The following TENM3 variants were observed in gnomAD, a reference collection of about 807,000 sequenced individuals.
TENM3 encodes the protein teneurin-3.
A neutral mutation model predicts 255.1 loss-of-function variants in TENM3; 63 were observed. The ratio of observed to expected loss-of-function variants is 0.25; its 90% confidence interval spans 0.20 to 0.30. TENM3 has a LOEUF of 0.30. Among genes scored for constraint, TENM3 ranks in the 10% least tolerant of loss-of-function variants. The pLI, the probability that TENM3 is intolerant of heterozygous loss-of-function variation, is 1.00. For missense variants in TENM3, 2,929 were observed against 3,461.1 expected, an observed-to-expected ratio of 0.85 and a Z score of 3.86; for synonymous variants, 1,306 against 1,322.3, an observed-to-expected ratio of 0.99 and a Z score of 0.27.
In TENM3 at chr4:182,359,504, C is replaced by T. The variant is rs550341903; in HGVS notation, c.511+12575C>T. ...TTTTCTAGATTTTCTAGTTTATTTG[C>T]GTAGAGGTGTTTGTAGTATTCTCTG... On this transcript the variant is annotated intron_variant, in intron 3 of 27. Coordinates refer to ENST00000511685, the MANE Select transcript of TENM3 (RefSeq NM_001080477.4). Among the ~76,000 whole-genome samples, 262 of 150,832 alleles carry T rather than the reference C, an allele frequency of 1.7e-3. 1 individual carries two copies. Among genetic ancestry groups the T allele is most frequent in the African/African-American group, 5.7e-3 (236 of 41,200 alleles).
intron 3 of TENM3, among the ~76,000 whole-genome samples, chr4:182,556,749 C>T (rs1742629219): frequency 6.6e-6 from 1 of 152,052 alleles, no homozygotes; most frequent in African/African-American, 2.4e-5. Flanking sequence ...TGACGATGAC[C>T]CACTCCTACG....
the TENM3 span, among the ~76,000 whole-genome samples, chr4:181,478,584 T>A: frequency 6.6e-6 from 1 of 152,174 alleles, no homozygotes; most frequent in African/African-American, 2.4e-5. Context: ...CACCGGCCAT[T>A]TTCAATCCTT....
chr4:181,982,023 C>A, the TENM3 span, among the ~76,000 whole-genome samples: 39 of 152,234 alleles, frequency 2.6e-4, no homozygotes, highest in East Asian at 7.5e-3. Context: ...TCACACCACA[C>A]AAGACCTTGA....
chr4:181,872,130 G>A, the TENM3 span, among the ~76,000 whole-genome samples: 60 of 151,720 alleles, frequency 4.0e-4, 1 homozygote, highest in South Asian at 4.2e-4. Context: ...AATAATTTGT[G>A]TAGATTTATA....
chr4:181,852,717 G>A, the TENM3 span, among the ~76,000 whole-genome samples: 26 of 152,120 alleles, frequency 1.7e-4, no homozygotes, highest in African/African-American at 5.1e-4. Flanking sequence ...TCAGCGCTTC[G>A]TATACACCAG....
At chr4:181,997,977 A>C in the TENM3 span, among the ~76,000 whole-genome samples, 5 of 152,328 alleles carry the variant, frequency 3.3e-5, no homozygotes, top group Non-Finnish European at 7.3e-5. Flanking sequence ...TCAGGACAAA[A>C]AGATTCTTCT....
At chr4:181,520,001 A>G in the TENM3 span, among the ~76,000 whole-genome samples, 1 of 152,210 alleles carries the variant, frequency 6.6e-6, no homozygotes, top group African/African-American at 2.4e-5. Flanking sequence ...ATTTGCAGCA[A>G]AAAATACCCA....
intron 22 of TENM3, among the ~76,000 whole-genome samples, chr4:182,763,771 T>C (rs1218592589): frequency 6.6e-6 from 1 of 152,170 alleles, no homozygotes; most frequent in Non-Finnish European, 1.5e-5. Context: ...TCAAAAAATA[T>C]TCAGGATGAC....
chr4:182,293,874 G>C (rs2150337117), intron 1 of TENM3, among the ~76,000 whole-genome samples: 1 of 152,278 alleles, frequency 6.6e-6, no homozygotes, highest in South Asian at 2.1e-4. Flanking sequence ...ACTGAGGTAT[G>C]AATGAGGCTT....
the TENM3 span, among the ~76,000 whole-genome samples, chr4:181,449,996 C>G: frequency 6.6e-6 from 1 of 151,920 alleles, no homozygotes. Flanking sequence ...TATGTCATTC[C>G]GCATATTTTT....
chr4:182,398,331 GAC>G (rs144856331), intron 3 of TENM3, among the ~76,000 whole-genome samples: 1 of 151,894 alleles, frequency 6.6e-6, no homozygotes, highest in South Asian at 2.1e-4. Flanking sequence ...AGGACAAGGG[GAC>G]ACACACACAC....
chr4:181,695,348 G>C, the TENM3 span, among the ~76,000 whole-genome samples: 12 of 152,320 alleles, frequency 7.9e-5, no homozygotes, highest in Admixed American at 6.5e-4. Context: ...AGAGCCAACA[G>C]AGGGGGAGCA....
At chr4:181,926,405 G>A in the TENM3 span, among the ~76,000 whole-genome samples, 12 of 152,172 alleles carry the variant, frequency 7.9e-5, no homozygotes, top group Middle Eastern at 3.2e-3. Flanking sequence ...AAAACTATGT[G>A]TGGTAGGGTG....
the TENM3 span, among the ~76,000 whole-genome samples, chr4:182,036,529 C>T: frequency 1.3e-5 from 2 of 152,272 alleles, no homozygotes; most frequent in South Asian, 2.1e-4. Flanking sequence ...AGGGCAAAGG[C>T]TGTGCCTGGC....
At chr4:181,629,207 G>T in the TENM3 span, among the ~76,000 whole-genome samples, 1 of 152,176 alleles carries the variant, frequency 6.6e-6, no homozygotes, top group Non-Finnish European at 1.5e-5. Flanking sequence ...CTTTGCTGAA[G>T]TTGCTTATCA....
chr4:181,712,112 G>A, the TENM3 span, among the ~76,000 whole-genome samples: 2 of 152,124 alleles, frequency 1.3e-5, no homozygotes, highest in South Asian at 4.2e-4. Flanking sequence ...CCCAACCCCA[G>A]CCAGTCAGTG....
chr4:181,790,492 G>C, the TENM3 span, among the ~76,000 whole-genome samples: 1 of 152,116 alleles, frequency 6.6e-6, no homozygotes, highest in Non-Finnish European at 1.5e-5. Context: ...TTCTTGCATG[G>C]TTAGAGTCAA....
the TENM3 span, among the ~76,000 whole-genome samples, chr4:182,059,008 A>T: frequency 6.7e-6 from 1 of 149,554 alleles, no homozygotes; most frequent in African/African-American, 2.5e-5. Flanking sequence ...TTGACTAAGC[A>T]GAAAGAGATC....
intron 13 of TENM3, among the ~76,000 whole-genome samples, chr4:182,718,861 A>C (rs1360484211): frequency 6.6e-6 from 1 of 152,182 alleles, no homozygotes; most frequent in East Asian, 1.9e-4. Context: ...TAGCTCTCCA[A>C]ATGATGGTCT....
Sources: allele counts gnomAD v4.1 joint callset (sites outside exome capture counted in the v4.1 genomes callset), GRCh38; gene constraint gnomAD v4.1.1; transcripts MANE v1.5; gene names NCBI Gene and HGNC (gene_info 2026-07-23, HGNC 2026-07-21).